CSTPP1: variants seen among roughly 807,000 people sequenced by gnomAD.
CSTPP1 encodes the protein UPF0705 protein C11orf49.
the CSTPP1 span, among the ~76,000 whole-genome samples, chr11:47,061,683 TCTC>T: frequency 6.6e-6 from 1 of 152,152 alleles, no homozygotes; most frequent in South Asian, 2.1e-4. Context: ...AGCCAGTGCA[TCTC>T]CTCTTCTCAT....
the CSTPP1 span, among the ~76,000 whole-genome samples, chr11:47,028,564 G>A: frequency 1.3e-5 from 2 of 152,082 alleles, no homozygotes; most frequent in African/African-American, 4.8e-5. Flanking sequence ...AAACTTTTTT[G>A]TATCACTATA....
chr11:46,983,747 G>A, the CSTPP1 span, among the ~76,000 whole-genome samples: 5 of 152,298 alleles, frequency 3.3e-5, no homozygotes, highest in East Asian at 9.6e-4. Flanking sequence ...CCCGTGTTGG[G>A]TGGTACCCTT....
At chr11:47,137,176 C>A in the CSTPP1 span, 1 of 864,964 alleles carries the variant, frequency 1.2e-6, no homozygotes, top group South Asian at 1.6e-5. Context: ...CTGTACTCTT[C>A]TCCCTACACA....
the CSTPP1 span, among the ~76,000 whole-genome samples, chr11:46,998,431 C>T: frequency 6.6e-6 from 1 of 152,136 alleles, no homozygotes; most frequent in African/African-American, 2.4e-5. Flanking sequence ...TGTTTCTTGT[C>T]CCCAGAAAGC....
chr11:47,131,385 A>G, the CSTPP1 span, among the ~76,000 whole-genome samples: 1 of 152,230 alleles, frequency 6.6e-6, no homozygotes, highest in Non-Finnish European at 1.5e-5. Flanking sequence ...GAGCTTCAGA[A>G]GCAGGACTTG....
chr11:47,046,228 T>C, the CSTPP1 span, among the ~76,000 whole-genome samples: 1 of 151,086 alleles, frequency 6.6e-6, no homozygotes, highest in South Asian at 2.1e-4. Flanking sequence ...TAAAACTATA[T>C]TCACAGGTTA....
chr11:46,939,907 G>C, the CSTPP1 span, among the ~76,000 whole-genome samples: 2 of 152,154 alleles, frequency 1.3e-5, no homozygotes, highest in Admixed American at 6.5e-5. Flanking sequence ...GTCTCACTCT[G>C]TCACCCAGGC....
the CSTPP1 span, among the ~76,000 whole-genome samples, chr11:47,034,072 G>A: frequency 3.3e-5 from 5 of 151,506 alleles, no homozygotes; most frequent in African/African-American, 4.9e-5. Context: ...CACGTTGTGC[G>A]CATGTACCCT....
chr11:47,045,874 TC>T, the CSTPP1 span, among the ~76,000 whole-genome samples: 1 of 151,990 alleles, frequency 6.6e-6, no homozygotes, highest in Non-Finnish European at 1.5e-5. Flanking sequence ...GCAACCTCCG[TC>T]CCCCGGGTTT....
chr11:47,083,482 G>A, the CSTPP1 span, among the ~76,000 whole-genome samples: 1 of 152,056 alleles, frequency 6.6e-6, no homozygotes, highest in East Asian at 1.9e-4. Flanking sequence ...TGGAATATTG[G>A]GTCATATGGT....
the CSTPP1 span, among the ~76,000 whole-genome samples, chr11:47,120,651 G>A: frequency 6.6e-6 from 1 of 152,218 alleles, no homozygotes; most frequent in Non-Finnish European, 1.5e-5. This position sits in a 1 kb window ranked among gnomAD's most constrained non-coding sequence, Gnocchi z 4.2. Context: ...GAATCTGGCA[G>A]ATCCATGATT....
At chr11:46,957,097 C>T in the CSTPP1 span, among the ~76,000 whole-genome samples, 1 of 152,092 alleles carries the variant, frequency 6.6e-6, no homozygotes, top group African/African-American at 2.4e-5. Context: ...AGCCTAAGGT[C>T]AGTTCAAACA....
At chr11:47,107,862 C>CG in the CSTPP1 span, among the ~76,000 whole-genome samples, 1 of 152,150 alleles carries the variant, frequency 6.6e-6, no homozygotes, top group African/African-American at 2.4e-5. Context: ...AATTCCCCCC[C>CG]AGTTCCCTTG....
the CSTPP1 span, among the ~76,000 whole-genome samples, chr11:47,067,351 G>C: frequency 6.6e-6 from 1 of 152,002 alleles, no homozygotes; most frequent in South Asian, 2.1e-4. Flanking sequence ...GTTGTTCAAT[G>C]GTATTATTTT....
the CSTPP1 span, among the ~76,000 whole-genome samples, chr11:47,153,957 T>G: frequency 6.6e-6 from 1 of 152,082 alleles, no homozygotes; most frequent in Non-Finnish European, 1.5e-5. Context: ...TTGTTTTTTT[T>G]TTGACAGGGT....
chr11:47,155,061 A>C, the CSTPP1 span: 337 of 764,402 alleles, frequency 4.4e-4, no homozygotes, highest in East Asian at 5.9e-4. Context: ...CGGCCCAGGA[A>C]CAGCTCTCTC....
At chr11:47,155,160 T>G in the CSTPP1 span, 2 of 1,598,348 alleles carry the variant, frequency 1.3e-6, no homozygotes, top group South Asian at 2.2e-5. Flanking sequence ...TCTCAGATTC[T>G]CTCTTTCCCC....
the CSTPP1 span, among the ~76,000 whole-genome samples, chr11:47,021,488 C>T: frequency 2.0e-5 from 3 of 152,218 alleles, no homozygotes; most frequent in Non-Finnish European, 4.4e-5. Context: ...CCTTTTCAAA[C>T]AGCTATTGTC....
the CSTPP1 span, among the ~76,000 whole-genome samples, chr11:47,005,655 A>G: frequency 6.6e-6 from 1 of 152,214 alleles, no homozygotes; most frequent in African/African-American, 2.4e-5. Flanking sequence ...ATAGTGGTTA[A>G]GAACATGGAC....
Sources: allele counts gnomAD v4.1 joint callset (sites outside exome capture counted in the v4.1 genomes callset), GRCh38; gene constraint gnomAD v4.1.1; non-coding constraint Gnocchi (gnomAD v3.1); transcripts MANE v1.5; gene names NCBI Gene and HGNC (gene_info 2026-07-23, HGNC 2026-07-21).